Variants in SMG5 observed in about 807,000 individuals in gnomAD.
SMG5 encodes the protein nonsense-mediated mRNA decay factor SMG5.
In SMG5, 53 loss-of-function variants were observed where a neutral mutation model predicts 122.9. The ratio of observed to expected loss-of-function variants is 0.43; its 90% confidence interval spans 0.35 to 0.54. The LOEUF is 0.54. Among genes scored for constraint, SMG5 ranks in the 20% least tolerant of loss-of-function variants. The pLI, the probability that SMG5 is intolerant of heterozygous loss-of-function variation, is 0.01. For missense variants in SMG5, 1,153 were observed against 1,285.6 expected, an observed-to-expected ratio of 0.90 and a Z score of 1.58; for synonymous variants, 477 against 490.2, an observed-to-expected ratio of 0.97 and a Z score of 0.35.
intron 4 of SMG5, among the ~76,000 whole-genome samples, chr1:156,275,812 G>A (rs1237867387): frequency 6.7e-6 from 1 of 148,446 alleles, no homozygotes; most frequent in Non-Finnish European, 1.5e-5. Flanking sequence ...AGATAATGTG[G>A]TGGTTTTTTT....
At chr1:156,258,560 G>A (rs867780346) in intron 16 of SMG5, among the ~76,000 whole-genome samples, 11 of 152,352 alleles carry the variant, frequency 7.2e-5, no homozygotes, top group African/African-American at 2.2e-4. Context: ...TACTTTGGGA[G>A]GCCAAGGCAG....
At chr1:156,253,873 T>G (rs1661464403) in intron 16 of SMG5, 2 of 305,724 alleles carry the variant, frequency 6.5e-6, no homozygotes, top group African/African-American at 4.3e-5. Flanking sequence ...TTCCTCACCT[T>G]CTACCCCCAT....
At chr1:156,263,068 T>C (rs560953031) in intron 13 of SMG5, among the ~76,000 whole-genome samples, 2 of 152,358 alleles carry the variant, frequency 1.3e-5, no homozygotes, top group Middle Eastern at 3.4e-3. Flanking sequence ...CTCCCTTCTC[T>C]GGATTCTTTG....
At chr1:156,274,312 T>C (rs1345562020) in intron 5 of SMG5, among the ~76,000 whole-genome samples, 2 of 152,066 alleles carry the variant, frequency 1.3e-5, no homozygotes, top group African/African-American at 4.8e-5. Context: ...AGAAGAAAAA[T>C]ATCAAATTAA....
the SMG5 span, chr1:156,291,417 G>A: frequency 1.2e-6 from 2 of 1,613,952 alleles, no homozygotes; most frequent in East Asian, 2.2e-5. Flanking sequence ...GCCGTGGGCC[G>A]CTCCTTCCGA....
the SMG5 span, chr1:156,291,145 G>C: frequency 6.4e-5 from 33 of 513,448 alleles, 1 homozygote; most frequent in Non-Finnish European, 1.0e-4. Context: ...AAATAAAAGA[G>C]GGAAAGGAAT....
At chr1:156,287,298 C>A (rs1663194591), upstream of SMG5, among the ~76,000 whole-genome samples, 1 of 152,052 alleles carries the variant, frequency 6.6e-6, no homozygotes, top group Non-Finnish European at 1.5e-5. Flanking sequence ...CATCTGTAAT[C>A]CCAGCTATTC....
chr1:156,267,412 G>T, intron 10 of SMG5, 58 bp downstream of exon 10: 1 of 1,532,848 alleles, frequency 6.5e-7, no homozygotes, highest in Non-Finnish European at 9.0e-7. Flanking sequence ...CTGCAGAAAA[G>T]GGGAGTGAGG....
Position 156,255,734 on chromosome 1 carries a change from TA to T in SMG5, c.2443-2227del, listed in dbSNP as rs1487602498. On this transcript the variant is annotated intron_variant, in intron 16 of 21. Transcript: ENST00000361813. ...GATCACATTTCTACAAAAAAAAGTA[TA>T]TTTTTTTTATTTTAAAAATCAGTCA... Among the ~76,000 whole-genome samples, 9 of 151,980 alleles carry T rather than the reference TA, an allele frequency of 5.9e-5. No homozygotes were observed. The East Asian group carries it at 1.4e-3, about 23-fold the overall frequency.
Position 156,250,846 on chromosome 1 carries a change from C to G in SMG5, c.2967+12G>C. On this transcript the variant is annotated intron_variant, in intron 21 of 21. Transcript: ENST00000361813. ...TATTCCACACCATCCCCCCACCTCA[C>G]CCATGACCCACCTGCATGGGGCCTG... The G allele has an allele frequency of 6.2e-7, 1 of 1,613,716 alleles. No individual in the cohort carries two copies. The highest frequency in any genetic ancestry group is 1.1e-5 in the South Asian group (1 of 91,056).
At position 156,260,675 on chromosome 1, in the gene SMG5, A is replaced by C. The variant is rs1661782805; in HGVS notation, c.2108-49T>G. 4.9e-6 allele frequency: 7 copies of C among 1,437,044 alleles called. No homozygotes were observed. The South Asian group carries it at 1.1e-4, about 23-fold the overall frequency. The allele number at this position is 1,437,044 out of a possible 1,614,324, so 89.0% of individuals were successfully genotyped here. A position where few individuals can be genotyped will look rare whatever the true frequency, so the allele number is the denominator to read the frequency against. On this transcript the variant is annotated intron_variant, in intron 14 of 21. Transcript: ENST00000361813. ...GACCATCTGTCCTGTGGGAACTCCC[A>C]GTCAGAGAGACATAACCCTTCCCTT...
chr1:156,255,277 A>G (rs1010358216), intron 16 of SMG5, among the ~76,000 whole-genome samples: 18 of 152,148 alleles, frequency 1.2e-4, no homozygotes, highest in African/African-American at 4.3e-4. Flanking sequence ...ACAGTGGCTC[A>G]TGCCTGTAAT....
At chr1:156,286,442 C>T (rs1348928261), upstream of SMG5, 1 of 1,614,080 alleles carries the variant, frequency 6.2e-7, no homozygotes, top group Non-Finnish European at 8.5e-7. Context: ...CAAACTGCTC[C>T]CTCTGCTCAC....
chr1:156,277,001 C>G (rs2277870), intron 4 of SMG5, 84 bp downstream of exon 4: 1 of 1,412,428 alleles, frequency 7.1e-7, no homozygotes, highest in African/African-American at 1.4e-5. Flanking sequence ...CTGGCTGGGT[C>G]GCAAGCTACA....
In SMG5 at chr1:156,265,902, C is replaced by G; in HGVS notation, c.1734G>C (p.Lys578Asn). 1 of 1,614,158 alleles carries G rather than the reference C, an allele frequency of 6.2e-7. No individual in the cohort carries two copies. Among genetic ancestry groups the G allele is most frequent in the East Asian group, 2.2e-5 (1 of 44,870 alleles). Residue 578 changes from lysine to asparagine, a missense_variant, in exon 12 of 22, where the codon AAG becomes AAC. Lys to Asn is a moderately conservative substitution (Grantham distance 94). Transcript: ENST00000361813. ...AGGTGGGGGCCAGTCGGAAGCAGCG[C>G]TTAGTCTGGAACATCTGGGTGGACA... The part of the protein sequence containing the change: ...QAMSTQMFQT[K>N]RCFRLAPTFS...
chr1:156,271,164 C>T (rs539923143), intron 7 of SMG5, among the ~76,000 whole-genome samples: 3 of 152,244 alleles, frequency 2.0e-5, no homozygotes, highest in East Asian at 3.9e-4. Context: ...TTTAATACAG[C>T]GACTAGGTTA....
upstream of SMG5, chr1:156,285,779 T>A (rs779184606): frequency 1.9e-6 from 3 of 1,613,402 alleles, no homozygotes; most frequent in Admixed American, 5.0e-5. Flanking sequence ...GCCTGGCTGT[T>A]CCTGTGGGGG....
At chr1:156,276,644 G>A (rs6688719) in intron 4 of SMG5, among the ~76,000 whole-genome samples, 80 of 152,298 alleles carry the variant, frequency 5.3e-4, no homozygotes, top group African/African-American at 1.8e-3. Flanking sequence ...AATTATAGCT[G>A]CCAGTACCTC....
In SMG5 at chr1:156,250,992, G is replaced by A; in HGVS notation, c.2833C>T (p.Leu945Phe). 4.3e-6 allele frequency: 7 copies of A among 1,612,890 alleles called. No homozygotes were observed. Among genetic ancestry groups the A allele is most frequent in the South Asian group, 2.2e-5 (2 of 91,072 alleles). ...TTGCAGCTGTCTAGGATCTTATAGA[G>A]AGTCCTGGGGATGGGGGGCAGAGGG... is the stretch of plus-strand genomic sequence containing the variant. Reference protein sequence around the residue: ...LKRQDADAWTLYKILDSCKQL... With the variant: ...LKRQDADAWTFYKILDSCKQL... The change falls in exon 21 of 22, where the codon CTC (leucine) becomes TTC (phenylalanine). Residue 945 changes from leucine to phenylalanine, a missense_variant. Leu to Phe is a conservative substitution (Grantham distance 22). Coordinates refer to ENST00000361813, the MANE Select transcript of SMG5 (RefSeq NM_015327.3).
Sources: gnomAD v4.1 joint callset for allele counts (sites outside exome capture counted in the v4.1 genomes callset) on GRCh38, gnomAD v4.1.1 for gene constraint, MANE v1.5 for transcripts, NCBI Gene and HGNC (gene_info 2026-07-23, HGNC 2026-07-21) for gene names.